The following CACNA1A variants were observed in gnomAD, a reference collection of about 807,000 sequenced individuals.
CACNA1A encodes calcium voltage-gated channel subunit alpha1 A, also known as voltage-dependent P/Q-type calcium channel subunit alpha-1A.
Under a neutral mutation model 262.4 loss-of-function variants are expected in CACNA1A, and 57 were observed. The ratio of observed to expected loss-of-function variants is 0.22; its 90% CI spans 0.18 to 0.27. CACNA1A has a LOEUF of 0.27. Ranked by LOEUF, CACNA1A falls within the 10% of genes least tolerant of loss-of-function variation. CACNA1A has a pLI of 1.00. For missense variants in CACNA1A, 2,526 were observed against 3,562.8 expected, an observed-to-expected ratio of 0.71 and a Z score of 7.41; for synonymous variants, 1,431 against 1,419.3, an observed-to-expected ratio of 1.01 and a Z score of -0.18.
chr19:13,383,285 G>C (rs1237569078), intron 3 of CACNA1A, among the ~76,000 whole-genome samples: 1 of 152,184 alleles, frequency 6.6e-6, no homozygotes, highest in African/African-American at 2.4e-5. Context: ...AAGACTGAGT[G>C]TGGAGCAGGA....
intron 24 of CACNA1A, chr19:13,274,365 AC>A (rs2144826188): frequency 6.6e-6 from 1 of 152,150 alleles, no homozygotes; most frequent in East Asian, 1.9e-4. Flanking sequence ...CTCCTGACAA[AC>A]CAAGTCCTCA....
intron 5 of CACNA1A, among the ~76,000 whole-genome samples, chr19:13,360,305 A>G (rs62111177): frequency 0.15 from 22,145 of 148,544 alleles, 2,707 homozygotes; most frequent in African/African-American, 0.31. Flanking sequence ...AGGGGAGAGG[A>G]AGACAGGGAG....
At chr19:13,377,954 C>A (rs1371914490) in intron 3 of CACNA1A, among the ~76,000 whole-genome samples, 2 of 151,714 alleles carry the variant, frequency 1.3e-5, no homozygotes, top group Admixed American at 1.3e-4. Flanking sequence ...ATAGTGAGAC[C>A]TCAACTCAAT....
intron 3 of CACNA1A, among the ~76,000 whole-genome samples, chr19:13,402,873 C>CACACACATAT (rs1201892162): frequency 5.5e-5 from 4 of 72,812 alleles, no homozygotes; most frequent in East Asian, 3.3e-4. Flanking sequence ...CACACACACA[C>CACACACATAT]ATATATATAT....
At chr19:13,264,173 AGAG>A (rs1334413571) in intron 24 of CACNA1A, among the ~76,000 whole-genome samples, 3 of 152,114 alleles carry the variant, frequency 2.0e-5, no homozygotes, top group African/African-American at 7.2e-5. Context: ...AGGCCCCCCA[AGAG>A]GAGGGTATTG....
chr19:13,294,012 T>C (rs576188563), intron 19 of CACNA1A, among the ~76,000 whole-genome samples: 96 of 152,284 alleles, frequency 6.3e-4, no homozygotes, highest in African/African-American at 2.3e-3. Flanking sequence ...ATTTTGTCCC[T>C]GTCACTCTGC....
chr19:13,216,375 T>A (rs1399018992), intron 38 of CACNA1A, among the ~76,000 whole-genome samples: 5 of 152,172 alleles, frequency 3.3e-5, no homozygotes, highest in Non-Finnish European at 7.3e-5. Flanking sequence ...TCTCGCTCTG[T>A]CACTCAGGCT....
At chr19:13,420,705 C>T (rs1044601105) in intron 3 of CACNA1A, among the ~76,000 whole-genome samples, 5 of 152,068 alleles carry the variant, frequency 3.3e-5, no homozygotes, top group Non-Finnish European at 7.4e-5. Context: ...TGTTTTAAGC[C>T]GCCAAGTTCA....
intron 22 of CACNA1A, among the ~76,000 whole-genome samples, chr19:13,281,607 C>G (rs558467493): frequency 6.6e-6 from 1 of 151,892 alleles, no homozygotes; most frequent in African/African-American, 2.4e-5. Flanking sequence ...CACCTCCCCC[C>G]TCCTGTCGTG....
At chr19:13,312,612 A>G (rs2058056138) in intron 12 of CACNA1A, 57 bp downstream of exon 12, 4 of 983,766 alleles carry the variant, frequency 4.1e-6, no homozygotes, top group Non-Finnish European at 6.2e-6. Flanking sequence ...GTGTCCAGGT[A>G]TCTGTCATTC....
chr19:13,408,360 A>G (rs2060049944), intron 3 of CACNA1A, among the ~76,000 whole-genome samples: 1 of 152,138 alleles, frequency 6.6e-6, no homozygotes. Flanking sequence ...ACAGAGTGAG[A>G]CCCCGTTTCA....
intron 40 of CACNA1A, among the ~76,000 whole-genome samples, chr19:13,213,411 C>T (rs1400228344): frequency 6.6e-6 from 1 of 152,184 alleles, no homozygotes; most frequent in African/African-American, 2.4e-5. Context: ...CCTGGATACT[C>T]CTATCTTCTG....
rs191937688 is a variant in CACNA1A, at chr19:13,318,247, T to C, written c.1346-926A>G. Among the ~76,000 whole-genome samples the C allele has an allele frequency of 3.9e-5, 6 of 152,288 alleles. No homozygotes were observed. The East Asian group carries it at 1.2e-3, about 29-fold the overall frequency. ...AGGTGAGTGTGTTGACTTGTCACTT[T>C]AGTATCTTAGGTAGAGGAAACAGCA... On this transcript the variant is annotated intron_variant, in intron 10 of 46. Coordinates refer to ENST00000360228, the MANE Select transcript of CACNA1A (RefSeq NM_001127222.2).
intron 36 of CACNA1A, chr19:13,228,825 G>A (rs779401832): frequency 5.2e-6 from 7 of 1,353,372 alleles, no homozygotes; most frequent in Non-Finnish European, 7.3e-6. Context: ...GGTTAGTGCA[G>A]GCAATGGGTT....
At chr19:13,306,560 G>A (rs1475710525) in intron 15 of CACNA1A, 1 of 152,132 alleles carries the variant, frequency 6.6e-6, no homozygotes, top group Non-Finnish European at 1.5e-5. Context: ...GATGCATCTG[G>A]GGTCTTGCTG....
chr19:13,402,821 C>T (rs1470931830), intron 3 of CACNA1A, among the ~76,000 whole-genome samples: 1 of 133,836 alleles, frequency 7.5e-6, no homozygotes, highest in African/African-American at 2.8e-5. Context: ...TACATATATA[C>T]ACACATATAT....
At chr19:13,318,841 A>G (rs1218191712) in intron 10 of CACNA1A, among the ~76,000 whole-genome samples, 1 of 151,536 alleles carries the variant, frequency 6.6e-6, no homozygotes, top group Non-Finnish European at 1.5e-5. Context: ...GTTTAGGGGA[A>G]GGTCAGAGCT....
chr19:13,272,897 C>G (rs1339991931), intron 24 of CACNA1A: 2 of 152,132 alleles, frequency 1.3e-5, no homozygotes, highest in Non-Finnish European at 2.9e-5. Flanking sequence ...ATGATGTCTA[C>G]CTGACAACTT....
At chr19:13,311,521 C>T (rs542112349) in intron 12 of CACNA1A, among the ~76,000 whole-genome samples, 2 of 152,268 alleles carry the variant, frequency 1.3e-5, no homozygotes, top group Non-Finnish European at 2.9e-5. Context: ...TGGCAGAAAA[C>T]AGTACAACAT....
Sources: allele counts gnomAD v4.1 joint callset (sites outside exome capture counted in the v4.1 genomes callset), GRCh38; gene constraint gnomAD v4.1.1; transcripts MANE v1.5; gene names NCBI Gene and HGNC (gene_info 2026-07-23, HGNC 2026-07-21).